The following PAK3 variants were observed in gnomAD, a reference collection of about 807,000 sequenced individuals.
The protein encoded by PAK3 is p21 (RAC1) activated kinase 3, also known as serine/threonine-protein kinase PAK 3.
Under a neutral mutation model 41.0 loss-of-function variants are expected in PAK3, and 4 were observed. That is an observed-to-expected ratio of 0.10 (90% CI 0.05 to 0.22). The LOEUF is 0.22. Among genes scored for constraint, PAK3 ranks in the 10% least tolerant of loss-of-function variants. PAK3 has a pLI of 1.00. For missense variants in PAK3, 205 were observed against 409.9 expected (o/e 0.50, Z 4.32); for synonymous variants, 146 against 139.6 (o/e 1.05, Z -0.32).
At chrX:111,135,679 G>A (rs1232234385) in intron 5 of PAK3, among the ~76,000 whole-genome samples, 1 of 111,613 alleles carries the variant, frequency 9.0e-6, no homozygotes, top group Non-Finnish European at 1.9e-5. Flanking sequence ...TGTCAGTTTT[G>A]ACTGAGAGGT....
intron 11 of PAK3, among the ~76,000 whole-genome samples, chrX:111,177,755 T>C (rs1173987841): frequency 8.9e-6 from 1 of 111,777 alleles, no homozygotes; most frequent in Non-Finnish European, 1.9e-5. Flanking sequence ...CCCTGTGTAA[T>C]TCCTGAATAA....
At chrX:110,981,413 A>T (rs2091444485) in intron 1 of PAK3, among the ~76,000 whole-genome samples, 1 of 111,900 alleles carries the variant, frequency 8.9e-6, no homozygotes, top group African/African-American at 3.3e-5. Flanking sequence ...TTGCATGAAT[A>T]TTAATTTCCT....
At chrX:111,037,186 C>G (rs1295748792) in intron 1 of PAK3, among the ~76,000 whole-genome samples, 1 of 111,912 alleles carries the variant, frequency 8.9e-6, no homozygotes, top group African/African-American at 3.3e-5. Flanking sequence ...CTCAAGTGAT[C>G]TGCTCACCTC....
chrX:111,019,690 C>CAAA (rs147611129), intron 1 of PAK3, among the ~76,000 whole-genome samples: 1,769 of 52,868 alleles, frequency 0.033, 113 homozygotes, highest in Non-Finnish European at 0.045. Flanking sequence ...ACCCTGCCTC[C>CAAA]AAAAAAAAAA....
rs183659290 is a variant in PAK3 at position 111,030,560 on chromosome X, T to G, written c.-28+85932T>G. On this transcript the variant is annotated intron_variant, in intron 1 of 14. Coordinates refer to the PAK3 transcript ENST00000425146. ...AACTACTCTATTTATGTTGGCCAAATAGATGGGTGGGTGGATGGATGAAGG... is the reference window on the plus strand; with the variant it reads ...AACTACTCTATTTATGTTGGCCAAAGAGATGGGTGGGTGGATGGATGAAGG... 8.0e-4 allele frequency among the ~76,000 whole-genome samples: 89 copies of G among 111,519 alleles called. 1 individual carries two copies. The highest frequency in any genetic ancestry group is 2.7e-3 in the African/African-American group (83 of 30,732).
At chrX:110,957,442 C>A (rs2090885184) in intron 1 of PAK3, among the ~76,000 whole-genome samples, 3 of 111,878 alleles carry the variant, frequency 2.7e-5, no homozygotes, top group African/African-American at 9.8e-5. Flanking sequence ...TATCTGTAGG[C>A]CTCTGGTAGT....
chrX:111,025,660 A>G (rs1184466122), intron 1 of PAK3, among the ~76,000 whole-genome samples: 1 of 110,980 alleles, frequency 9.0e-6, no homozygotes, highest in Non-Finnish European at 1.9e-5. Context: ...AAAATTGCCA[A>G]CAACAAAAAA....
chrX:110,969,292 C>CT lies in PAK3; in HGVS notation c.-28+24675dup, dbSNP rs1346406518. Among the ~76,000 whole-genome samples, 89 of 94,665 alleles carry CT rather than the reference C, an allele frequency of 9.4e-4. 1 individual carries two copies. Among genetic ancestry groups the CT allele is most frequent in the South Asian group, 2.6e-3 (5 of 1,927 alleles). 82.2% of individuals were successfully genotyped at this position (94,665 alleles called of 115,157 possible). On this transcript the variant is annotated intron_variant, in intron 1 of 14. Coordinates refer to the PAK3 transcript ENST00000425146. The stretch of plus-strand genomic sequence containing the variant: ...GTCAAAAAGGCAATTCTTCCACTGA[C>CT]TTTTTTTTTTTAATAGAGTCTCACT...
At chrX:111,196,693 A>G in intron 16 of PAK3, 53 bp downstream of exon 16, 1 of 912,119 alleles carries the variant, frequency 1.1e-6, no homozygotes, top group Non-Finnish European at 1.6e-6. Flanking sequence ...GGAAAGGCCA[A>G]ATATCATTTC....
chrX:111,086,878 C>A (rs984450230), intron 1 of PAK3, among the ~76,000 whole-genome samples: 4 of 111,925 alleles, frequency 3.6e-5, no homozygotes, highest in African/African-American at 9.8e-5. Context: ...GTGCTCTGAG[C>A]TGCCTAGACT....
chrX:111,050,937 G>A (rs914261790), intron 1 of PAK3, among the ~76,000 whole-genome samples: 2 of 111,977 alleles, frequency 1.8e-5, no homozygotes, highest in Admixed American at 9.5e-5. Flanking sequence ...GTGGGACAGG[G>A]CAGGCAGGAG....
chrX:111,163,054 A>G lies in PAK3; in HGVS notation c.600+8A>G. Reference sequence around the variant, plus strand: ...CCAGAGCATACAAAATCAGTAAGTCACAAAGGACTATTTCCAAATGATTCA... The same window carrying G: ...CCAGAGCATACAAAATCAGTAAGTCGCAAAGGACTATTTCCAAATGATTCA... On this transcript the variant is annotated splice_region_variant and intron_variant, in intron 9 of 17. Coordinates refer to ENST00000372007, the MANE Select transcript of PAK3 (RefSeq NM_002578.5). 4 of 1,202,403 alleles carry G rather than the reference A, an allele frequency of 3.3e-6. No homozygotes were observed. The highest frequency in any genetic ancestry group is 4.5e-6 in the Non-Finnish European group (4 of 887,171).
intron 11 of PAK3, among the ~76,000 whole-genome samples, chrX:111,188,010 G>C (rs1294258200): frequency 9.3e-6 from 1 of 107,885 alleles, no homozygotes; most frequent in African/African-American, 3.4e-5. Context: ...TAAGCGGGGA[G>C]GGGAGGGGAG....
At chrX:111,183,777 A>G (rs2094482461) in intron 11 of PAK3, among the ~76,000 whole-genome samples, 1 of 111,411 alleles carries the variant, frequency 9.0e-6, no homozygotes, top group African/African-American at 3.3e-5. Context: ...TTCTTTCTGG[A>G]CCCTTCAGGC....
intron 4 of PAK3, among the ~76,000 whole-genome samples, chrX:111,114,508 A>T (rs936215674): frequency 8.9e-6 from 1 of 112,166 alleles, no homozygotes; most frequent in Non-Finnish European, 1.9e-5. Flanking sequence ...ACAAGGATAA[A>T]GCATTAGTTG....
At chrX:111,108,984 G>A (rs1416723576) in intron 4 of PAK3, among the ~76,000 whole-genome samples, 2 of 112,002 alleles carry the variant, frequency 1.8e-5, no homozygotes, top group Non-Finnish European at 3.8e-5. Context: ...GGTGTTAGGA[G>A]CACCAACTCT....
chrX:111,098,101 C>T (rs1008418546), intron 3 of PAK3, among the ~76,000 whole-genome samples: 1 of 110,913 alleles, frequency 9.0e-6, no homozygotes, highest in African/African-American at 3.3e-5. Flanking sequence ...ACATTCTCAC[C>T]AGCTAACCAT....
At chrX:110,991,451 T>C (rs912630448) in intron 1 of PAK3, among the ~76,000 whole-genome samples, 2 of 111,618 alleles carry the variant, frequency 1.8e-5, no homozygotes, top group Non-Finnish European at 3.8e-5. Context: ...TCGAGTCACA[T>C]CACTTCCTCG....
intron 11 of PAK3, among the ~76,000 whole-genome samples, chrX:111,181,235 T>C (rs1197824945): frequency 1.8e-5 from 2 of 111,282 alleles, no homozygotes; most frequent in African/African-American, 6.6e-5. Context: ...AGTATCTTTG[T>C]TACATGTTAT....
Sources: allele counts gnomAD v4.1 joint callset (sites outside exome capture counted in the v4.1 genomes callset), GRCh38; gene constraint gnomAD v4.1.1; transcripts MANE v1.5; gene names NCBI Gene and HGNC (gene_info 2026-07-23, HGNC 2026-07-21).